TAFA2: variants seen among roughly 807,000 people sequenced by gnomAD.
TAFA2 encodes TAFA chemokine like family member 2.
A neutral mutation model predicts 18.8 loss-of-function variants in TAFA2; 7 were observed. The observed-to-expected ratio is 0.37, with a 90% CI of 0.21 to 0.70. The LOEUF (loss-of-function observed/expected upper bound fraction) is 0.70, where lower values mean the gene tolerates loss of function less well. TAFA2 is among the 30% of genes least tolerant of loss of function. The pLI, the probability that TAFA2 is intolerant of heterozygous loss-of-function variation, is 0.53. For synonymous variants in TAFA2, 60 were observed against 54.2 expected (o/e 1.11, Z -0.47); for missense variants, 122 against 158.1 (o/e 0.77, Z 1.23).
intron 1 of TAFA2, among the ~76,000 whole-genome samples, chr12:62,173,927 A>G (rs1330708454): frequency 3.3e-5 from 5 of 152,232 alleles, no homozygotes; most frequent in African/African-American, 1.2e-4. Flanking sequence ...AAAAGGTCTT[A>G]CCAGGAACCT....
chr12:61,763,532 A>T (rs1161939928), intron 2 of TAFA2, among the ~76,000 whole-genome samples: 1 of 151,944 alleles, frequency 6.6e-6, no homozygotes, highest in Non-Finnish European at 1.5e-5. Flanking sequence ...TAAAGGAATA[A>T]GTGGACCCTT....
chr12:61,818,697 A>C (rs997436703), intron 2 of TAFA2, among the ~76,000 whole-genome samples: 3 of 152,204 alleles, frequency 2.0e-5, no homozygotes, highest in Non-Finnish European at 4.4e-5. Flanking sequence ...CCAAAGGAAC[A>C]CATGATAGTC....
At chr12:62,235,742 G>A (rs1330617576) in intron 1 of TAFA2, among the ~76,000 whole-genome samples, 1 of 151,968 alleles carries the variant, frequency 6.6e-6, no homozygotes, top group Non-Finnish European at 1.5e-5. Context: ...GTTTTTGGAG[G>A]AAGGTTTGCT....
At chr12:62,030,340 C>T (rs1358423720) in intron 1 of TAFA2, among the ~76,000 whole-genome samples, 1 of 152,052 alleles carries the variant, frequency 6.6e-6, no homozygotes, top group African/African-American at 2.4e-5. Context: ...CATCTATATA[C>T]ATATTTAAAT....
At chr12:61,794,397 G>A (rs1416334186) in intron 2 of TAFA2, among the ~76,000 whole-genome samples, 1 of 151,866 alleles carries the variant, frequency 6.6e-6, no homozygotes, top group Non-Finnish European at 1.5e-5. Context: ...TTTACAAATT[G>A]AAATTTTAAA....
At chr12:62,021,560 G>T in intron 1 of TAFA2, 1 of 779,582 alleles carries the variant, frequency 1.3e-6, no homozygotes, top group Non-Finnish European at 2.3e-6. Context: ...CTGCCAAGGA[G>T]ACCCTGTTAC....
At chr12:62,187,537 A>G (rs2062594868) in intron 1 of TAFA2, among the ~76,000 whole-genome samples, 1 of 152,222 alleles carries the variant, frequency 6.6e-6, no homozygotes, top group Admixed American at 6.5e-5. Context: ...GTATAGATAC[A>G]GAGATTATAT....
At chr12:61,750,954 G>A (rs1868984866) in intron 4 of TAFA2, among the ~76,000 whole-genome samples, 1 of 152,018 alleles carries the variant, frequency 6.6e-6, no homozygotes, top group African/African-American at 2.4e-5. Context: ...GAGTTCAATG[G>A]CTTTTTGGCT....
chr12:61,787,042 C>T (rs546092361), intron 2 of TAFA2, among the ~76,000 whole-genome samples: 1 of 151,524 alleles, frequency 6.6e-6, no homozygotes, highest in South Asian at 2.1e-4. Flanking sequence ...AAATCAAAGT[C>T]TAAATACTCC....
intron 1 of TAFA2, among the ~76,000 whole-genome samples, chr12:61,925,383 A>G (rs1294431566): frequency 6.6e-6 from 1 of 152,184 alleles, no homozygotes; most frequent in Non-Finnish European, 1.5e-5. Context: ...CATAACAAAC[A>G]GTCTCCCAAA....
chr12:62,064,044 G>A (rs894070880), intron 1 of TAFA2, among the ~76,000 whole-genome samples: 4 of 152,012 alleles, frequency 2.6e-5, no homozygotes, highest in African/African-American at 4.8e-5. Context: ...CATTGCTTAC[G>A]AGAGCTGTGT....
At chr12:61,797,997 T>C (rs1026712940) in intron 2 of TAFA2, among the ~76,000 whole-genome samples, 37 of 152,194 alleles carry the variant, frequency 2.4e-4, no homozygotes, top group Non-Finnish European at 4.7e-4. Flanking sequence ...GTAATGGGCA[T>C]GAATCTATTA....
intron 1 of TAFA2, among the ~76,000 whole-genome samples, chr12:61,972,845 G>T (rs1879297526): frequency 6.6e-6 from 1 of 151,520 alleles, no homozygotes; most frequent in African/African-American, 2.4e-5. Context: ...TCAAACTGGG[G>T]TCAAGCGGAT....
Position 62,154,327 on chromosome 12 carries a change from A to G in TAFA2, c.-2+36932T>C, listed in dbSNP as rs114140586. Among the ~76,000 whole-genome samples, 1,486 of 152,288 alleles carry G rather than the reference A, an allele frequency of 9.8e-3. 19 individuals are homozygous for G. The highest frequency in any genetic ancestry group is 0.033 in the African/African-American group (1,374 of 41,544). ...GGGGGAAGCAGGAGAATAGGGGAGAAGCTTTTTTGGAGGAGACAAAGCTTT... is the reference window on the plus strand; with the variant it reads ...GGGGGAAGCAGGAGAATAGGGGAGAGGCTTTTTTGGAGGAGACAAAGCTTT... On this transcript the variant is annotated intron_variant, in intron 1 of 4. Coordinates refer to ENST00000416284, the MANE Select transcript of TAFA2 (RefSeq NM_178539.5).
chr12:61,808,077 G>T (rs1000644227), intron 2 of TAFA2, among the ~76,000 whole-genome samples: 10 of 151,584 alleles, frequency 6.6e-5, no homozygotes, highest in African/African-American at 2.4e-4. Context: ...AGGGGCCAGG[G>T]GCAGAATGAT....
intron 1 of TAFA2, among the ~76,000 whole-genome samples, chr12:62,102,782 G>T (rs1218848112): frequency 6.6e-6 from 1 of 152,084 alleles, no homozygotes; most frequent in Admixed American, 6.5e-5. Context: ...TACGGTAGAG[G>T]AAAAATAAGC....
chr12:61,723,008 A>G (rs1393274936), intron 4 of TAFA2, among the ~76,000 whole-genome samples: 11 of 152,134 alleles, frequency 7.2e-5, no homozygotes, highest in Non-Finnish European at 1.6e-4. Flanking sequence ...CCTTCTTCCC[A>G]ATGTCTCCAC....
chr12:61,996,795 T>C lies in TAFA2; in HGVS notation c.-1-129369A>G, dbSNP rs552813217. 2.0e-5 allele frequency among the ~76,000 whole-genome samples: 3 copies of C among 152,294 alleles called. No homozygotes were observed. The South Asian group carries it at 6.2e-4, about 32-fold the overall frequency. On this transcript the variant is annotated intron_variant, in intron 1 of 4. Coordinates refer to ENST00000416284, the MANE Select transcript of TAFA2 (RefSeq NM_178539.5). Reference sequence around the variant, plus strand: ...GTTCCGCTTTGGGGTGGGAGGGATCTAAGTCTCAAGCAATTTCCAAAGTCT... The same window carrying C: ...GTTCCGCTTTGGGGTGGGAGGGATCCAAGTCTCAAGCAATTTCCAAAGTCT...
intron 1 of TAFA2, among the ~76,000 whole-genome samples, chr12:61,899,237 GGACA>G (rs1405949254): frequency 6.6e-6 from 1 of 151,678 alleles, no homozygotes; most frequent in African/African-American, 2.4e-5. Flanking sequence ...TGTCTGTGTG[GGACA>G]GACAACTCTG....
Sources: allele counts gnomAD v4.1 joint callset (sites outside exome capture counted in the v4.1 genomes callset), GRCh38; gene constraint gnomAD v4.1.1; transcripts MANE v1.5; gene names NCBI Gene and HGNC (gene_info 2026-07-23, HGNC 2026-07-21).